The following GLIS1 variants were observed in gnomAD, a reference collection of about 807,000 sequenced individuals.
GLIS1 encodes the protein zinc finger protein GLIS1.
GLIS1 carries 24 observed loss-of-function variants against 63.8 expected under a neutral mutation model. The ratio of observed to expected loss-of-function variants is 0.38; its 90% CI spans 0.27 to 0.53. The LOEUF is 0.53. Ranked by LOEUF, GLIS1 falls within the 20% of genes least tolerant of loss-of-function variation. GLIS1 has a pLI of 0.85. For missense variants in GLIS1, 1,036 were observed against 1,074.1 expected (o/e 0.96, Z 0.50); for synonymous variants, 450 against 482.5 (o/e 0.93, Z 0.88).
intron 2 of GLIS1, among the ~76,000 whole-genome samples, chr1:53,718,845 T>G (rs796745310): frequency 3.9e-5 from 6 of 152,166 alleles, no homozygotes; most frequent in African/African-American, 1.4e-4. Context: ...AGATTAACAA[T>G]CTCAAGTCTG....
chr1:53,738,901 G>A (rs1646940044), intron 1 of GLIS1, among the ~76,000 whole-genome samples: 1 of 152,158 alleles, frequency 6.6e-6, no homozygotes, highest in Non-Finnish European at 1.5e-5. Flanking sequence ...ACAGTCCCAC[G>A]CTCTCGCCAC....
In GLIS1 at chr1:53,511,789, C is replaced by T. The variant is rs1019514909; in HGVS notation, c.1884-1762G>A. ...GGCTGAAGCTGGGCTGGGGCCTGGC[C>T]GGAGAGTGGCTCCTCCTTCCTGCAG... On this transcript the variant is annotated intron_variant, in intron 8 of 10. Coordinates refer to ENST00000628545, the MANE Select transcript of GLIS1 (RefSeq NM_001367484.1). The surrounding 1 kb of genome is among the most constrained non-coding windows in gnomAD (Gnocchi z 4.2). 1.3e-5 allele frequency among the ~76,000 whole-genome samples: 2 copies of T among 152,110 alleles called. No individual in the cohort carries two copies. Among genetic ancestry groups the T allele is most frequent in the Admixed American group, 6.5e-5 (1 of 15,282 alleles).
chr1:53,730,770 C>A (rs78770536), intron 2 of GLIS1, among the ~76,000 whole-genome samples: 1 of 152,144 alleles, frequency 6.6e-6, no homozygotes, highest in African/African-American at 2.4e-5. Context: ...CATGAATGCA[C>A]GTGCAAGGCC....
At chr1:53,599,803 C>G (rs1448648830) in intron 3 of GLIS1, among the ~76,000 whole-genome samples, 1 of 152,232 alleles carries the variant, frequency 6.6e-6, no homozygotes, top group Non-Finnish European at 1.5e-5. Context: ...AAACTCTGAG[C>G]TGGGCTTTCC....
chr1:53,699,627 T>C (rs917388939), intron 2 of GLIS1, among the ~76,000 whole-genome samples: 6 of 152,210 alleles, frequency 3.9e-5, no homozygotes, highest in Non-Finnish European at 5.9e-5. Flanking sequence ...AGATTAGGGA[T>C]ACTCAACCTG....
intron 2 of GLIS1, among the ~76,000 whole-genome samples, chr1:53,694,254 C>T (rs1191580809): frequency 1.3e-5 from 2 of 151,758 alleles, no homozygotes; most frequent in African/African-American, 2.4e-5. Flanking sequence ...ACGGCAGGGG[C>T]GCTGGGGGAG....
rs1055261813 is a variant in GLIS1 at position 53,539,451 on chromosome 1, AC to A, written c.1321-9500del. Among the ~76,000 whole-genome samples, 1 of 147,458 alleles carries A rather than the reference AC, an allele frequency of 6.8e-6. No homozygotes were observed. Among genetic ancestry groups the A allele is most frequent in the Non-Finnish European group, 1.5e-5 (1 of 66,904 alleles). On this transcript the variant is annotated intron_variant, in intron 4 of 10. Transcript: ENST00000628545. The surrounding 1 kb of genome is among the most constrained non-coding windows in gnomAD (Gnocchi z 5.0). ...CACACCATACCACACATCACAGCAC[AC>A]CCCCAATACATACACATCATACCTC...
At chr1:53,614,778 T>G (rs1234868262) in intron 2 of GLIS1, among the ~76,000 whole-genome samples, 1 of 148,960 alleles carries the variant, frequency 6.7e-6, no homozygotes, top group Non-Finnish European at 1.5e-5. Context: ...TCTCACAGAA[T>G]TGTTCTCTCA....
intron 4 of GLIS1, among the ~76,000 whole-genome samples, chr1:53,535,261 C>G (rs1337314106): frequency 6.6e-6 from 1 of 152,034 alleles, no homozygotes; most frequent in African/African-American, 2.4e-5. Context: ...GTGGCACAGG[C>G]TCTTCACTTG....
intron 2 of GLIS1, among the ~76,000 whole-genome samples, chr1:53,636,505 T>C (rs963276650): frequency 3.9e-5 from 6 of 151,984 alleles, no homozygotes; most frequent in African/African-American, 1.5e-4. Context: ...AATATCACAG[T>C]TGGTAGTAAA....
At chr1:53,596,425 T>A (rs1645255905) in intron 3 of GLIS1, among the ~76,000 whole-genome samples, 1 of 152,164 alleles carries the variant, frequency 6.6e-6, no homozygotes, top group South Asian at 2.1e-4. Flanking sequence ...GTGCTATGCC[T>A]GAAGTCTGGC....
intron 2 of GLIS1, among the ~76,000 whole-genome samples, chr1:53,610,774 C>T (rs1645417259): frequency 6.6e-6 from 1 of 152,190 alleles, no homozygotes; most frequent in Non-Finnish European, 1.5e-5. Context: ...TGCTCGTCGT[C>T]TTTCCCCTGT....
chr1:53,531,354 AC>A (rs1490935632), intron 4 of GLIS1, among the ~76,000 whole-genome samples: 1 of 152,154 alleles, frequency 6.6e-6, no homozygotes, highest in East Asian at 1.9e-4. Context: ...CAGCCGTGTT[AC>A]CCGAGGACTG....
At chr1:53,532,734 T>C (rs1002388600) in intron 4 of GLIS1, among the ~76,000 whole-genome samples, 22 of 152,314 alleles carry the variant, frequency 1.4e-4, no homozygotes, top group African/African-American at 4.6e-4. Context: ...CAATAACTCC[T>C]CCAGGCTTCG....
chr1:53,715,562 A>AG (rs1646689437), intron 2 of GLIS1, among the ~76,000 whole-genome samples: 1 of 152,176 alleles, frequency 6.6e-6, no homozygotes. Context: ...CAGAACACAG[A>AG]GAGGCAAGGG....
intron 4 of GLIS1, among the ~76,000 whole-genome samples, chr1:53,558,221 C>T (rs7545676): frequency 0.34 from 51,418 of 152,100 alleles, 8,961 homozygotes; most frequent in Middle Eastern, 0.38. Context: ...ACAAAGGGCC[C>T]GATGCAGGAA....
Position 53,594,643 on chromosome 1 carries a change from G to A in GLIS1, c.785C>T (p.Thr262Ile). ...CGTCTGGGAGGAGCGGATGATGGAG[G>A]TGACGTCGGAGGAGGCACAGGGTGA... ...SSSPCASSDV[T>I]SIIRSSQTSL... The change falls in exon 4 of 11, where the codon ACC becomes ATC. Residue 262 changes from threonine to isoleucine, a missense_variant. Thr to Ile is a moderately conservative substitution (Grantham distance 89). This residue lies in a region of GLIS1 where 592 missense variants were observed against 593.9 expected (regional missense o/e 1.00). Coordinates refer to ENST00000628545, the MANE Select transcript of GLIS1 (RefSeq NM_001367484.1). The A allele has an allele frequency of 1.3e-6, 2 of 1,558,882 alleles. No individual in the cohort carries two copies. Among genetic ancestry groups the A allele is most frequent in the Non-Finnish European group, 1.7e-6 (2 of 1,149,392 alleles).
chr1:53,664,673 G>T (rs140088332), intron 2 of GLIS1, among the ~76,000 whole-genome samples: 1 of 152,144 alleles, frequency 6.6e-6, no homozygotes, highest in African/African-American at 2.4e-5. Flanking sequence ...GCAAACAAAC[G>T]AATAGTTGCA....
In GLIS1 at chr1:53,727,966, A is replaced by G. The variant is rs182496848; in HGVS notation, c.259+9840T>C. Among the ~76,000 whole-genome samples the G allele has an allele frequency of 9.2e-5, 14 of 152,366 alleles. No homozygotes were observed. In the East Asian group the frequency reaches 2.7e-3, roughly 29 times the overall value. On this transcript the variant is annotated intron_variant, in intron 2 of 10. Transcript: ENST00000628545. Reference sequence around the variant, plus strand: ...TTACCATATGTTCAACCTTGCAGGAAAAACAAGAACATCAAACACAGCTCC... The same window carrying G: ...TTACCATATGTTCAACCTTGCAGGAGAAACAAGAACATCAAACACAGCTCC...
Sources: allele counts gnomAD v4.1 joint callset (sites outside exome capture counted in the v4.1 genomes callset), GRCh38; gene constraint gnomAD v4.1.1; regional missense constraint gnomAD v4.1.1; non-coding constraint Gnocchi (gnomAD v3.1); transcripts MANE v1.5; gene names NCBI Gene and HGNC (gene_info 2026-07-23, HGNC 2026-07-21).